The following MROH7 variants were observed in gnomAD, a reference collection of about 807,000 sequenced individuals.
MROH7 encodes maestro heat like repeat family member 7, also known as maestro heat-like repeat-containing protein family member 7.
A neutral mutation model predicts 129.2 loss-of-function variants in MROH7; 113 were observed. The observed-to-expected ratio is 0.87, with a 90% CI of 0.75 to 1.02. The LOEUF (loss-of-function observed/expected upper bound fraction) is 1.02. Among genes scored for constraint, MROH7 ranks in the 50% least tolerant of loss-of-function variants. The probability of loss-of-function intolerance (pLI) is 0.00; values close to 1 mark genes in which losing one functional copy is unlikely to be tolerated. For synonymous variants in MROH7, 655 were observed against 667.9 expected (o/e 0.98, Z 0.30); for missense variants, 1,601 against 1,671.3 (o/e 0.96, Z 0.73).
intron 14 of MROH7, among the ~76,000 whole-genome samples, chr1:54,685,602 A>G (rs1645135734): frequency 1.3e-5 from 2 of 152,176 alleles, no homozygotes; most frequent in African/African-American, 4.8e-5. Flanking sequence ...GGCCCAGGCC[A>G]GGTCCAGAGC....
chr1:54,692,346 G>C, intron 15 of MROH7, 78 bp from the exon 16 acceptor site: 1 of 1,569,008 alleles, frequency 6.4e-7, no homozygotes, highest in South Asian at 1.2e-5. Context: ...CCAGATGGCA[G>C]GAGAGGCCGG....
intron 3 of MROH7, among the ~76,000 whole-genome samples, chr1:54,663,233 GT>G (rs1298005494): frequency 6.6e-6 from 1 of 151,986 alleles, no homozygotes; most frequent in East Asian, 1.9e-4. Context: ...CTCAAGGTTT[GT>G]TAGTTTATTC....
rs781739256 is a variant in MROH7, at chr1:54,702,645, G to T, written c.3464G>T (p.Arg1155Leu). The T allele has an allele frequency of 6.2e-7, 1 of 1,613,232 alleles. No individual in the cohort carries two copies. Among genetic ancestry groups the T allele is most frequent in the Admixed American group, 1.7e-5 (1 of 59,916 alleles). The change falls in exon 21 of 24, where the codon CGC becomes CTC. Residue 1155 changes from arginine (R) to leucine (L), a missense_variant. Arg to Leu is a moderately radical substitution (Grantham distance 102, BLOSUM62 -2). Coordinates refer to ENST00000421030, the MANE Select transcript of MROH7 (RefSeq NM_001039464.4). ...CAGAAGTGTGTGAAGACCCTGTTAC[G>T]CTGTTCTTACTTCATGGCTTGGGAG... is the stretch of plus-strand genomic sequence containing the variant. The part of the protein sequence containing the change: ...VSQKCVKTLL[R>L]CSYFMAWELP...
chr1:54,667,992 C>G (rs1189027586), intron 4 of MROH7, among the ~76,000 whole-genome samples: 1 of 152,196 alleles, frequency 6.6e-6, no homozygotes, highest in Admixed American at 6.5e-5. Context: ...CTGGGCTTAG[C>G]TGGGTGTTTC....
At chr1:54,675,882 C>T (rs522091) in intron 10 of MROH7, among the ~76,000 whole-genome samples, 42,564 of 151,636 alleles carry the variant, frequency 0.28, 6,105 homozygotes, top group Middle Eastern at 0.39. Context: ...GTGATCCGCT[C>T]GCCTTGACCT....
At chr1:54,693,230 A>G (rs902398502) in intron 16 of MROH7, among the ~76,000 whole-genome samples, 1 of 152,208 alleles carries the variant, frequency 6.6e-6, no homozygotes, top group Admixed American at 6.5e-5. Context: ...TGTGTAGTAC[A>G]TGATGGTAAG....
chr1:54,645,274 AT>A (rs373063104), intron 1 of MROH7, among the ~76,000 whole-genome samples: 2,048 of 149,956 alleles, frequency 0.014, 42 homozygotes, highest in African/African-American at 0.047. Context: ...TTACATTAAG[AT>A]TTTTTTTTTC....
rs1377242859 is a variant in MROH7 at position 54,665,177 on chromosome 1, T to A, written c.1242T>A (p.Asp414Glu). Residue 414 changes from aspartate (D) to glutamate (E), a missense_variant, in exon 4 of 24, where the codon GAT (aspartate) becomes GAA (glutamate). Asp to Glu is a conservative substitution (Grantham distance 45, BLOSUM62 2). Transcript: ENST00000421030. ...AATCGTGCCCTGCAGGAGCCTTTGA[T>A]GAAGTGACCTCATGCCTGGTGAAGG... ...TLQGIPEGAF[D>E]EVTSCLVKVP... The A allele has an allele frequency of 2.5e-6, 4 of 1,613,698 alleles. No homozygotes were observed. Among genetic ancestry groups the A allele is most frequent in the Admixed American group, 3.3e-5 (2 of 59,982 alleles).
chr1:54,700,587 A>T (rs1318145885), intron 18 of MROH7, 126 bp downstream of exon 18: 5 of 889,864 alleles, frequency 5.6e-6, no homozygotes, highest in Admixed American at 3.1e-5. Context: ...TCTTAGCCTC[A>T]GTTGTCCCAT....
rs764315415 is a variant in MROH7 at position 54,680,000 on chromosome 1, C to T, written c.2336C>T (p.Thr779Ile). The T allele has an allele frequency of 5.0e-6, 8 of 1,614,034 alleles. No individual in the cohort carries two copies. In the South Asian group the frequency reaches 7.7e-5, roughly 16 times the overall value. Reference protein sequence around the residue: ...PVSLLASSFMTEVVVALLMCP... With the variant: ...PVSLLASSFMIEVVVALLMCP... ...TCCCTCCTGGCTAGCTCCTTCATGA[C>T]CGAGGTTGTGGTGGCCCTGCTCATG... Residue 779 changes from threonine to isoleucine, a missense_variant, in exon 13 of 24, where the codon ACC becomes ATC. Physicochemically the swap from Thr to Ile is moderately conservative, Grantham distance 89. Transcript: ENST00000421030.
chr1:54,676,992 C>T (rs1644992422), intron 10 of MROH7, among the ~76,000 whole-genome samples: 1 of 152,200 alleles, frequency 6.6e-6, no homozygotes, highest in Non-Finnish European at 1.5e-5. Context: ...CAGGCATGAG[C>T]CACTGTGCCC....
chr1:54,655,604 T>G (rs1036791518), intron 3 of MROH7, among the ~76,000 whole-genome samples: 27 of 152,100 alleles, frequency 1.8e-4, no homozygotes, highest in African/African-American at 4.8e-4. Flanking sequence ...GGTCTTGAAC[T>G]CCTGGCCTCA....
In MROH7 at chr1:54,701,218, G is replaced by T. The variant is rs543083195; in HGVS notation, c.3181G>T (p.Ala1061Ser). Reference sequence around the variant, plus strand: ...CATGGATGGGATGCTGGTGGTGGAAGCGGTCCACAACCTCAAGGCTGTCTT... The same window carrying T: ...CATGGATGGGATGCTGGTGGTGGAATCGGTCCACAACCTCAAGGCTGTCTT... ...KNMDGMLVVE[A>S]VHNLKAVFKG... is the part of the protein sequence containing the mutation. Residue 1061 changes from alanine to serine, a missense_variant, in exon 19 of 24, where the codon GCG (alanine) becomes TCG (serine). Ala to Ser is a moderately conservative substitution (Grantham distance 99, BLOSUM62 1). Transcript: ENST00000421030. 1.2e-6 allele frequency: 2 copies of T among 1,614,238 alleles called. No homozygotes were observed. The highest frequency in any genetic ancestry group is 2.7e-5 in the African/African-American group (2 of 75,082).
intron 16 of MROH7, among the ~76,000 whole-genome samples, chr1:54,694,716 C>T (rs1159442280): frequency 2.0e-5 from 3 of 152,144 alleles, no homozygotes; most frequent in Non-Finnish European, 2.9e-5. Flanking sequence ...ATGATCTGCC[C>T]GTCTCAGCCT....
chr1:54,685,397 T>C (rs1645131763), intron 14 of MROH7, among the ~76,000 whole-genome samples: 1 of 152,258 alleles, frequency 6.6e-6, no homozygotes. Context: ...ATTTAGGCTC[T>C]AACACTCCTG....
In MROH7 at chr1:54,652,930, G is replaced by A; in HGVS notation, c.4G>A (p.Ala2Thr). The A allele has an allele frequency of 1.3e-6, 2 of 1,581,082 alleles. No homozygotes were observed. The highest frequency in any genetic ancestry group is 1.7e-6 in the Non-Finnish European group (2 of 1,165,498). ...TTGAGAGACCTCCAGACTGGACATG[G>A]CCCTGAGTCCAGGGGCTAACCTGGT... M[A>T]LSPGANLVFH... Residue 2 changes from alanine (A) to threonine (T), a missense_variant, in exon 3 of 24, where the codon GCC becomes ACC. Coordinates refer to ENST00000421030, the MANE Select transcript of MROH7 (RefSeq NM_001039464.4).
At chr1:54,707,192 G>C (rs138377631) in intron 22 of MROH7, among the ~76,000 whole-genome samples, 1 of 152,160 alleles carries the variant, frequency 6.6e-6, no homozygotes, top group East Asian at 1.9e-4. Flanking sequence ...CAGAGCCCCC[G>C]ACAGGACCCT....
chr1:54,697,874 G>C, intron 17 of MROH7: 1 of 510,230 alleles, frequency 2.0e-6, no homozygotes, highest in Non-Finnish European at 3.5e-6. Context: ...CAGACCTTAT[G>C]GGGCATTCCT....
intron 16 of MROH7, 102 bp from the exon 17 acceptor site, chr1:54,695,274 A>G: frequency 1.5e-6 from 1 of 658,982 alleles, no homozygotes; most frequent in Non-Finnish European, 2.7e-6. Context: ...AATCCAGGTG[A>G]TCCTGGCTTA....
Sources: allele counts gnomAD v4.1 joint callset (sites outside exome capture counted in the v4.1 genomes callset), GRCh38; gene constraint gnomAD v4.1.1; transcripts MANE v1.5; gene names NCBI Gene and HGNC (gene_info 2026-07-23, HGNC 2026-07-21).